Variants in USP34 observed in about 807,000 individuals in gnomAD.
The protein encoded by USP34 is ubiquitin carboxyl-terminal hydrolase 34.
USP34 carries 70 observed loss-of-function variants against 460.3 expected under a neutral mutation model. That is an observed-to-expected ratio of 0.15 (90% CI 0.13 to 0.19). The LOEUF (loss-of-function observed/expected upper bound fraction) is 0.19, where lower values mean the gene tolerates loss of function less well. Ranked by LOEUF, USP34 falls within the 10% of genes least tolerant of loss-of-function variation. The pLI is 1.00. For synonymous variants in USP34, 1,647 were observed against 1,405.3 expected (o/e 1.17, Z -3.85); for missense variants, 3,985 against 4,236.2 (o/e 0.94, Z 1.65).
intron 75 of USP34, among the ~76,000 whole-genome samples, chr2:61,197,909 G>A (rs899868971): frequency 2.6e-5 from 4 of 152,112 alleles, no homozygotes; most frequent in South Asian, 4.1e-4. Flanking sequence ...ACAGGCGTGC[G>A]CCACCACGCC....
chr2:61,254,885 T>C (rs907702120), intron 48 of USP34, among the ~76,000 whole-genome samples: 14 of 152,230 alleles, frequency 9.2e-5, no homozygotes, highest in African/African-American at 1.7e-4. Flanking sequence ...TCTCAATTTT[T>C]TGCCGAGGCT....
chr2:61,372,551 G>A (rs373330766), intron 8 of USP34, among the ~76,000 whole-genome samples: 14 of 152,286 alleles, frequency 9.2e-5, no homozygotes, highest in South Asian at 6.2e-4. Context: ...GCAACGTAAT[G>A]AAAGCCTGTT....
At chr2:61,287,811 G>A (rs552856468) in intron 34 of USP34, among the ~76,000 whole-genome samples, 1 of 152,296 alleles carries the variant, frequency 6.6e-6, no homozygotes, top group South Asian at 2.1e-4. Flanking sequence ...GGAGTCAAAA[G>A]TTATATACAG....
chr2:61,353,846 A>G (rs961856486), intron 10 of USP34, among the ~76,000 whole-genome samples: 5 of 152,204 alleles, frequency 3.3e-5, no homozygotes, highest in Admixed American at 2.0e-4. Context: ...AAAGGAACCA[A>G]AAAGAAATTA....
chr2:61,292,575 G>C (rs955956519), intron 33 of USP34, among the ~76,000 whole-genome samples: 2 of 152,106 alleles, frequency 1.3e-5, no homozygotes, highest in Non-Finnish European at 2.9e-5. Context: ...GACGATAGCT[G>C]ATGAGCTAAC....
intron 43 of USP34, among the ~76,000 whole-genome samples, chr2:61,262,798 C>G (rs1269849297): frequency 6.6e-6 from 1 of 152,206 alleles, no homozygotes; most frequent in African/African-American, 2.4e-5. Context: ...ACATTTCCAT[C>G]AGCAGTGTAT....
chr2:61,255,025 T>C (rs1355591385), intron 48 of USP34, among the ~76,000 whole-genome samples: 1 of 152,134 alleles, frequency 6.6e-6, no homozygotes, highest in African/African-American at 2.4e-5. Flanking sequence ...AAAACTTTTT[T>C]AGCAACAGTG....
At chr2:61,448,236 G>A (rs561693267) in intron 1 of USP34, among the ~76,000 whole-genome samples, 22 of 152,300 alleles carry the variant, frequency 1.4e-4, no homozygotes, top group African/African-American at 4.6e-4. Context: ...TACTTTGGGC[G>A]GCCAAGGCAG....
intron 8 of USP34, among the ~76,000 whole-genome samples, chr2:61,377,648 T>C (rs916343431): frequency 2.6e-5 from 4 of 152,200 alleles, no homozygotes; most frequent in East Asian, 1.9e-4. Flanking sequence ...CCACCAGAAC[T>C]TGACGATGCT....
rs74819165 is a variant in USP34, at chr2:61,224,081, C to T, written c.7596-785G>A. 2.4e-3 allele frequency among the ~76,000 whole-genome samples: 364 copies of T among 152,236 alleles called. 3 individuals are homozygous for T. Among genetic ancestry groups the T allele is most frequent in the African/African-American group, 8.2e-3 (341 of 41,548 alleles). On this transcript the variant is annotated intron_variant, in intron 62 of 79. Coordinates refer to ENST00000398571, the MANE Select transcript of USP34 (RefSeq NM_014709.4). ...TTATTCATGCCTAAATGAATAATTCCGCACTGTCATACAATATCCAGCGTA... is the reference window on the plus strand; with the variant it reads ...TTATTCATGCCTAAATGAATAATTCTGCACTGTCATACAATATCCAGCGTA...
chr2:61,210,149 T>TTAA (rs1467245586), intron 69 of USP34, among the ~76,000 whole-genome samples: 1 of 152,154 alleles, frequency 6.6e-6, no homozygotes, highest in Non-Finnish European at 1.5e-5. Context: ...GTAGCTTAAG[T>TTAA]GTACAGTGTT....
intron 25 of USP34, among the ~76,000 whole-genome samples, chr2:61,312,297 T>G (rs1690617644): frequency 6.6e-6 from 1 of 151,598 alleles, no homozygotes; most frequent in South Asian, 2.1e-4. Flanking sequence ...AAAAAGATAT[T>G]AAGAAAAAAT....
chr2:61,223,240 T>C lies in USP34; in HGVS notation c.7644+8A>G, dbSNP rs769958339. ...GATCAAATTGTCTAATATTAGAGAATGTACTACCTTTCCTCCTGTTAATGC... is the reference window on the plus strand; with the variant it reads ...GATCAAATTGTCTAATATTAGAGAACGTACTACCTTTCCTCCTGTTAATGC... On this transcript the variant is annotated splice_region_variant and intron_variant, in intron 63 of 79. Coordinates refer to ENST00000398571, the MANE Select transcript of USP34 (RefSeq NM_014709.4). The C allele has an allele frequency of 5.6e-6, 9 of 1,613,862 alleles. No homozygotes were observed. The highest frequency in any genetic ancestry group is 4.0e-5 in the African/African-American group (3 of 74,934).
At position 61,214,319 on chromosome 2, in the gene USP34, A is replaced by G. The variant is rs746464856; in HGVS notation, c.8423T>C (p.Val2808Ala). ...KQALLSFWYNVCADCPENIRL... is the reference protein window; with the variant it reads ...KQALLSFWYNACADCPENIRL... ...GATATTCTCTGGACAGTCAGCACAG[A>G]CATTGTACCAAAATGAAAGCAAAGC... Residue 2808 changes from valine (V) to alanine (A), a missense_variant, in exon 68 of 80, where the codon GTC (valine) becomes GCC (alanine). Physicochemically the swap from Val to Ala is moderately conservative, Grantham distance 64 (BLOSUM62 0). Coordinates refer to ENST00000398571, the MANE Select transcript of USP34 (RefSeq NM_014709.4). 1 of 1,614,138 alleles carries G rather than the reference A, an allele frequency of 6.2e-7. No individual in the cohort carries two copies. The highest frequency in any genetic ancestry group is 1.3e-5 in the African/African-American group (1 of 74,946).
chr2:61,197,733 GACT>G (rs2103753563), intron 75 of USP34, among the ~76,000 whole-genome samples: 1 of 152,202 alleles, frequency 6.6e-6, no homozygotes, highest in African/African-American at 2.4e-5. Context: ...GAGTAGCTGG[GACT>G]ACATGTGCAT....
intron 62 of USP34, 70 bp from the exon 63 acceptor site, chr2:61,223,366 T>C: frequency 6.9e-7 from 1 of 1,440,696 alleles, no homozygotes; most frequent in Admixed American, 2.0e-5. Flanking sequence ...TTACAACATG[T>C]ATCAAAAATT....
At position 61,214,528 on chromosome 2, in the gene USP34, G is replaced by A; in HGVS notation, c.8214C>T (p.Ala2738=). 2.5e-6 allele frequency: 4 copies of A among 1,613,534 alleles called. No homozygotes were observed. The highest frequency in any genetic ancestry group is 3.4e-6 in the Non-Finnish European group (4 of 1,179,820). Residue 2738 remains alanine (A), a synonymous_variant, in exon 68 of 80, where the codon GCC becomes GCT. Coordinates refer to ENST00000398571, the MANE Select transcript of USP34 (RefSeq NM_014709.4). ...GAACAGCAGCATCAACATAAAGTTT[G>A]GCTCTTGAGAGCAAACCAAGGAGCA... ...YNVLLGLLSR[A]KLYVDAAVHG...
At chr2:61,291,291 C>CT (rs1297865826) in intron 33 of USP34, among the ~76,000 whole-genome samples, 1 of 152,210 alleles carries the variant, frequency 6.6e-6, no homozygotes, top group East Asian at 1.9e-4. Flanking sequence ...AAAAGAGACA[C>CT]TAACAAGTCT....
At position 61,344,018 on chromosome 2, in the gene USP34, T is replaced by C. The variant is rs2103766207; in HGVS notation, c.2297A>G (p.Asp766Gly). 6.2e-7 allele frequency: 1 copy of C among 1,613,728 alleles called. No homozygotes were observed. Among genetic ancestry groups the C allele is most frequent in the Non-Finnish European group, 8.5e-7 (1 of 1,179,806 alleles). The change falls in exon 16 of 80, where the codon GAT (aspartate) becomes GGT (glycine). Residue 766 changes from aspartate (D) to glycine (G), a missense_variant. Physicochemically the swap from Asp to Gly is moderately conservative, Grantham distance 94. This residue lies in a region of USP34 where 716 missense variants were observed against 626.2 expected (regional missense o/e 1.14). Transcript: ENST00000398571. ...HHHHHDGHMVDDMLSADDVSC... is the reference protein window; with the variant it reads ...HHHHHDGHMVGDMLSADDVSC... ...GACATCATCTGCACTTAGCATATCA[T>C]CAACCATATGCCTACAAAACAGAGA...
Sources: allele counts gnomAD v4.1 joint callset (sites outside exome capture counted in the v4.1 genomes callset), GRCh38; gene constraint gnomAD v4.1.1; regional missense constraint gnomAD v4.1.1; transcripts MANE v1.5; gene names NCBI Gene and HGNC (gene_info 2026-07-23, HGNC 2026-07-21).